RDX: variants seen among roughly 807,000 people sequenced by gnomAD.
RDX encodes the protein radixin.
RDX carries 32 observed loss-of-function variants against 83.7 expected under a neutral mutation model. The ratio of observed to expected loss-of-function variants is 0.38; its 90% CI spans 0.29 to 0.51. The LOEUF (loss-of-function observed/expected upper bound fraction) is 0.51, where lower values mean the gene tolerates loss of function less well. Among genes scored for constraint, RDX ranks in the 20% least tolerant of loss-of-function variants. The probability of loss-of-function intolerance (pLI) is 0.87; values close to 1 mark genes in which losing one functional copy is unlikely to be tolerated. For synonymous variants in RDX, 229 were observed against 222.7 expected, an observed-to-expected ratio of 1.03 and a Z score of -0.25; for missense variants, 600 against 689.9, an observed-to-expected ratio of 0.87 and a Z score of 1.46.
At chr11:110,235,507 C>A (rs1176331899) in intron 12 of RDX, among the ~76,000 whole-genome samples, 1 of 152,198 alleles carries the variant, frequency 6.6e-6, no homozygotes, top group Non-Finnish European at 1.5e-5. Context: ...TTTCTTCACA[C>A]TGATCACTAC....
intron 14 of RDX, among the ~76,000 whole-genome samples, chr11:110,215,851 G>A (rs1591518201): frequency 6.6e-6 from 1 of 152,338 alleles, no homozygotes; most frequent in Middle Eastern, 3.4e-3. Context: ...GCTATAAAAT[G>A]GAATACCTTC....
At chr11:110,211,445 G>A (rs4375412) in intron 14 of RDX, among the ~76,000 whole-genome samples, 28,696 of 149,302 alleles carry the variant, frequency 0.19, 3,271 homozygotes, top group Middle Eastern at 0.29. Flanking sequence ...AGTCAACAAG[G>A]ATACCCAGGA....
In RDX at chr11:110,284,219, G is replaced by C. The variant is rs555037781; in HGVS notation, c.-64-4463C>G. Among the ~76,000 whole-genome samples the C allele has an allele frequency of 3.2e-4, 49 of 152,306 alleles. 1 individual carries two copies. The highest frequency in any genetic ancestry group is 2.9e-3 in the Admixed American group (45 of 15,300). The stretch of plus-strand genomic sequence containing the variant: ...ATAACAAAAGCTACACAGCTTTTTT[G>C]AATGTGAAATTCTGCTTTTGTAATA... On this transcript the variant is annotated intron_variant, in intron 1 of 13. Transcript: ENST00000645495.
intron 15 of RDX, among the ~76,000 whole-genome samples, chr11:110,179,286 C>A (rs927897036): frequency 4.6e-5 from 7 of 152,308 alleles, no homozygotes; most frequent in East Asian, 1.9e-4. Context: ...TGGGCCTGAG[C>A]CCCAGTGGCA....
At chr11:110,289,582 C>G (rs1014748037) in intron 1 of RDX, among the ~76,000 whole-genome samples, 1 of 152,108 alleles carries the variant, frequency 6.6e-6, no homozygotes, top group African/African-American at 2.4e-5. Flanking sequence ...CAATTAACCA[C>G]AGCTGAGATT....
chr11:110,260,643 A>G (rs925704919), intron 5 of RDX, among the ~76,000 whole-genome samples: 1 of 152,132 alleles, frequency 6.6e-6, no homozygotes, highest in Non-Finnish European at 1.5e-5. Flanking sequence ...ATCTGTGGCC[A>G]GTGTCTCAGT....
downstream of RDX, among the ~76,000 whole-genome samples, chr11:110,224,725 A>T (rs1864375845): frequency 6.6e-6 from 1 of 152,224 alleles, no homozygotes; most frequent in South Asian, 2.1e-4. Flanking sequence ...ACATTACCAC[A>T]AACATGAACA....
intron 10 of RDX, chr11:110,237,906 G>A (rs377160808): frequency 5.7e-5 from 29 of 506,414 alleles, no homozygotes; most frequent in Non-Finnish European, 1.0e-4. Context: ...CAAGTAGCTA[G>A]GACTACAGGC....
chr11:110,253,246 AC>A (rs1859410253), intron 9 of RDX, among the ~76,000 whole-genome samples: 1 of 152,028 alleles, frequency 6.6e-6, no homozygotes, highest in Non-Finnish European at 1.5e-5. Context: ...TTAAGGACTT[AC>A]TCTATTTCTT....
chr11:110,252,564 G>A (rs1016326664), intron 9 of RDX, among the ~76,000 whole-genome samples: 4 of 151,966 alleles, frequency 2.6e-5, no homozygotes, highest in East Asian at 3.9e-4. Flanking sequence ...TCTTTAAGAC[G>A]ATTTAAAAAA....
chr11:110,210,294 G>C (rs1863784623), intron 14 of RDX, among the ~76,000 whole-genome samples: 2 of 134,632 alleles, frequency 1.5e-5, no homozygotes, highest in Admixed American at 7.3e-5. Context: ...GAGAAAAAAA[G>C]AATAAAAAGA....
intron 10 of RDX, among the ~76,000 whole-genome samples, chr11:110,246,203 T>C (rs1859099192): frequency 6.6e-6 from 1 of 152,194 alleles, no homozygotes; most frequent in Admixed American, 6.5e-5. Context: ...GCCTAGGTTA[T>C]TGCTATTTAT....
At chr11:110,240,500 T>C (rs1195939787) in intron 10 of RDX, among the ~76,000 whole-genome samples, 1 of 151,960 alleles carries the variant, frequency 6.6e-6, no homozygotes, top group African/African-American at 2.4e-5. Flanking sequence ...TCCCAGCACT[T>C]TGGGAGGCCG....
At chr11:110,222,686 CT>C (rs1215668431) in intron 14 of RDX, among the ~76,000 whole-genome samples, 1 of 152,120 alleles carries the variant, frequency 6.6e-6, no homozygotes, top group Non-Finnish European at 1.5e-5. Context: ...GTCCCAGCTA[CT>C]TGGGAGGCTG....
chr11:110,210,983 A>C (rs959799627), intron 14 of RDX, among the ~76,000 whole-genome samples: 2 of 152,174 alleles, frequency 1.3e-5, no homozygotes, highest in African/African-American at 4.8e-5. Flanking sequence ...TCAAATTCAC[A>C]CATAACAATA....
intron 14 of RDX, among the ~76,000 whole-genome samples, chr11:110,214,535 T>G (rs1268368275): frequency 9.1e-6 from 1 of 109,624 alleles, no homozygotes; most frequent in Non-Finnish European, 1.8e-5. Context: ...TAAAGACACA[T>G]GCACACGTAT....
chr11:110,219,803 A>G (rs1864183801), intron 14 of RDX, among the ~76,000 whole-genome samples: 1 of 152,210 alleles, frequency 6.6e-6, no homozygotes, highest in South Asian at 2.1e-4. Context: ...CAAACTGGAA[A>G]TGTTATGTAG....
At chr11:110,207,921 C>T (rs537685913) in intron 14 of RDX, among the ~76,000 whole-genome samples, 89 of 151,680 alleles carry the variant, frequency 5.9e-4, no homozygotes, top group Non-Finnish European at 1.1e-3. Flanking sequence ...CTGTTGAAAA[C>T]GCAATTTTCA....
intron 14 of RDX, among the ~76,000 whole-genome samples, chr11:110,223,700 A>G (rs1864334885): frequency 1.3e-5 from 2 of 152,232 alleles, no homozygotes; most frequent in Admixed American, 1.3e-4. Flanking sequence ...AGAAAAAAAA[A>G]TCTAAGATGT....
Sources: gnomAD v4.1 joint callset for allele counts (sites outside exome capture counted in the v4.1 genomes callset) on GRCh38, gnomAD v4.1.1 for gene constraint, MANE v1.5 for transcripts, NCBI Gene and HGNC (gene_info 2026-07-23, HGNC 2026-07-21) for gene names.